Variants in ANK2 observed in about 807,000 individuals in gnomAD.
The protein encoded by ANK2 is ankyrin-2.
Under a neutral mutation model 360.5 loss-of-function variants are expected in ANK2, and 83 were observed. The observed-to-expected ratio is 0.23, with a 90% CI of 0.19 to 0.28. The LOEUF is 0.28. Ranked by LOEUF, ANK2 falls within the 10% of genes least tolerant of loss-of-function variation. The pLI is 1.00. For synonymous variants in ANK2, 1,740 were observed against 1,759.5 expected (o/e 0.99, Z 0.28); for missense variants, 4,201 against 4,795.7 (o/e 0.88, Z 3.66).
At chr4:113,232,539 C>T (rs911887071) in intron 5 of ANK2, among the ~76,000 whole-genome samples, 11 of 152,144 alleles carry the variant, frequency 7.2e-5, no homozygotes, top group African/African-American at 2.7e-4. Context: ...TTGTACCATT[C>T]TAAAATTCAA....
chr4:113,117,151 A>G (rs1342978631), intron 1 of ANK2: 1 of 378,576 alleles, frequency 2.6e-6, no homozygotes, highest in South Asian at 2.0e-5. Context: ...GGCGGAGTGG[A>G]TTATCTTGTG....
chr4:112,991,619 CTTTTTT>C (rs35505334), intron 2 of ANK2, among the ~76,000 whole-genome samples: 6 of 125,858 alleles, frequency 4.8e-5, no homozygotes, highest in South Asian at 2.5e-4. Context: ...TTCTTTCTTT[CTTTTTT>C]TTTTTTTTTT....
the ANK2 span, among the ~76,000 whole-genome samples, chr4:112,764,198 C>T: frequency 6.6e-6 from 1 of 152,160 alleles, no homozygotes. Context: ...CTGCATCGGC[C>T]TCCTAAAGTG....
At chr4:112,818,296 C>G (rs2055891700) in intron 1 of ANK2, 2 of 152,224 alleles carry the variant, frequency 1.3e-5, no homozygotes, top group South Asian at 2.1e-4. Context: ...TTATTCAGAG[C>G]ATTTTGGAAG....
chr4:113,143,260 A>T (rs1222412876), intron 1 of ANK2, among the ~76,000 whole-genome samples: 1 of 35,238 alleles, frequency 2.8e-5, no homozygotes, highest in Non-Finnish European at 5.8e-5. Context: ...TGTAATGAAG[A>T]CTTGCAAGAG....
intron 45 of ANK2, chr4:113,378,100 A>G (rs1282090749): frequency 1.6e-6 from 2 of 1,265,526 alleles, no homozygotes. Flanking sequence ...GCTTTGAGTT[A>G]CACAGGTAGC....
At chr4:113,362,405 C>T (rs1004537502) in intron 39 of ANK2, among the ~76,000 whole-genome samples, 7 of 152,088 alleles carry the variant, frequency 4.6e-5, no homozygotes, top group Non-Finnish European at 8.8e-5. Context: ...AATGTATAAG[C>T]ATCCATATGT....
In ANK2 at chr4:113,354,391, C is replaced by T. The variant is rs1554553719; in HGVS notation, c.5773C>T (p.His1925Tyr). 4 of 1,613,932 alleles carry T rather than the reference C, an allele frequency of 2.5e-6. No individual in the cohort carries two copies. The highest frequency in any genetic ancestry group is 1.7e-5 in the Admixed American group (1 of 59,996). The change falls in exon 38 of 46, where the codon CAC becomes TAC. Residue 1925 changes from histidine (H) to tyrosine (Y), a missense_variant. His to Tyr is a moderately conservative substitution (Grantham distance 83). Around this residue, in one of 4 missense-constraint regions of ANK2, gnomAD observed 2,642 missense variants for 2,714.5 expected, o/e 0.97. Transcript: ENST00000357077. ...ATCGCCCTCCGGGAGGACAGAAAAA[C>T]ACCCGCCAGTATCGCCTGGGAGAAC... is the stretch of plus-strand genomic sequence containing the variant. ...PVSPSGRTEKHPPVSPGRTEK... is the reference protein window; with the variant it reads ...PVSPSGRTEKYPPVSPGRTEK...
At chr4:113,231,685 C>T (rs2099309422) in intron 4 of ANK2, among the ~76,000 whole-genome samples, 1 of 151,508 alleles carries the variant, frequency 6.6e-6, no homozygotes, top group Non-Finnish European at 1.5e-5. Context: ...CTCACTGCAA[C>T]CTCCGCTTCC....
chr4:112,975,030 A>G (rs1345742295), intron 2 of ANK2, among the ~76,000 whole-genome samples: 2 of 152,198 alleles, frequency 1.3e-5, no homozygotes, highest in Non-Finnish European at 2.9e-5. Flanking sequence ...GCTAAAAAAT[A>G]AATCTGTATT....
At chr4:112,707,337 G>C in the ANK2 span, among the ~76,000 whole-genome samples, 1 of 152,156 alleles carries the variant, frequency 6.6e-6, no homozygotes, top group Non-Finnish European at 1.5e-5. Context: ...TTATATTAGG[G>C]ACAACCTTTG....
chr4:112,744,391 G>T, the ANK2 span, among the ~76,000 whole-genome samples: 1 of 143,256 alleles, frequency 7.0e-6, no homozygotes, highest in African/African-American at 2.6e-5. Flanking sequence ...CTGTTGCCCA[G>T]GTTGGAGTGC....
Position 113,359,260 on chromosome 4 carries a change from G to A in ANK2, c.10642G>A (p.Glu3548Lys). 2 of 1,613,904 alleles carry A rather than the reference G, an allele frequency of 1.2e-6. No individual in the cohort carries two copies. The highest frequency in any genetic ancestry group is 1.7e-6 in the Non-Finnish European group (2 of 1,179,864). Residue 3548 changes from glutamate to lysine, a missense_variant, in exon 38 of 46, where the codon GAA becomes AAA. Transcript: ENST00000357077. The stretch of plus-strand genomic sequence containing the variant: ...GGATGAGTCTATTGAGACTCTGATT[G>A]AACGCATCCCTGATGAAAATGGCCA... ...IWDESIETLI[E>K]RIPDENGHDH...
intron 1 of ANK2, among the ~76,000 whole-genome samples, chr4:112,843,684 T>C (rs1014593999): frequency 1.3e-5 from 2 of 152,186 alleles, no homozygotes; most frequent in African/African-American, 4.8e-5. Context: ...TTTTTTTCTT[T>C]TTCTCTCTTT....
At chr4:112,820,647 G>C (rs902321198) in intron 1 of ANK2, among the ~76,000 whole-genome samples, 37 of 152,292 alleles carry the variant, frequency 2.4e-4, no homozygotes, top group African/African-American at 8.9e-4. Context: ...TGTTGTCCAA[G>C]CTGGACTCAA....
chr4:112,927,102 A>G (rs2092653535), intron 2 of ANK2, among the ~76,000 whole-genome samples: 1 of 152,052 alleles, frequency 6.6e-6, no homozygotes, highest in Admixed American at 6.6e-5. Flanking sequence ...TGGGGAGGGA[A>G]CCACCCCCAT....
chr4:112,883,206 T>C (rs1254970249), intron 1 of ANK2, among the ~76,000 whole-genome samples: 1 of 151,812 alleles, frequency 6.6e-6, no homozygotes. Flanking sequence ...ACCTGTCTAA[T>C]TTTTGTATTT....
At chr4:113,049,131 G>A (rs1392236044), upstream of ANK2, among the ~76,000 whole-genome samples, 2 of 152,114 alleles carry the variant, frequency 1.3e-5, no homozygotes, top group Non-Finnish European at 2.9e-5. Flanking sequence ...TGTTCTCAAG[G>A]CTTTATGACA....
intron 30 of ANK2, 126 bp from the exon 31 acceptor site, chr4:113,336,451 C>A: frequency 1.0e-6 from 1 of 952,600 alleles, no homozygotes. Flanking sequence ...ATATTTGAAG[C>A]CCACCAAACT....
Sources: gnomAD v4.1 joint callset for allele counts (sites outside exome capture counted in the v4.1 genomes callset) on GRCh38, gnomAD v4.1.1 for gene constraint, gnomAD v4.1.1 regional missense constraint, MANE v1.5 for transcripts, NCBI Gene and HGNC (gene_info 2026-07-23, HGNC 2026-07-21) for gene names.